VPS53: variants seen among roughly 807,000 people sequenced by gnomAD.
VPS53 encodes vacuolar protein sorting-associated protein 53 homolog.
A neutral mutation model predicts 107.0 loss-of-function variants in VPS53; 70 were observed. That is an observed-to-expected ratio of 0.65 (90% CI 0.54 to 0.80). The LOEUF (loss-of-function observed/expected upper bound fraction) is 0.80, where lower values mean the gene tolerates loss of function less well. VPS53 is among the 30% of genes least tolerant of loss of function. The probability of loss-of-function intolerance (pLI) is 0.00; values close to 1 mark genes in which losing one functional copy is unlikely to be tolerated. For missense variants in VPS53, 917 were observed against 1,049.4 expected (o/e 0.87, Z 1.74); for synonymous variants, 409 against 393.3 (o/e 1.04, Z -0.47).
At chr17:594,277 C>T (rs181070693) in intron 12 of VPS53, among the ~76,000 whole-genome samples, 1 of 152,204 alleles carries the variant, frequency 6.6e-6, no homozygotes, top group Non-Finnish European at 1.5e-5. Context: ...TGTAACTAAC[C>T]TGCACATTGT....
intron 13 of VPS53, among the ~76,000 whole-genome samples, chr17:566,010 C>T (rs985774091): frequency 4.6e-5 from 7 of 151,738 alleles, no homozygotes; most frequent in East Asian, 1.9e-4. Context: ...GAGACCATCC[C>T]GGCTAAAACG....
At chr17:673,082 A>C (rs1377260618) in intron 4 of VPS53, among the ~76,000 whole-genome samples, 2 of 149,770 alleles carry the variant, frequency 1.3e-5, no homozygotes, top group African/African-American at 4.9e-5. Context: ...ACTGCACTCC[A>C]GCCTGGGGCA....
chr17:688,246 G>C (rs1409328228), intron 4 of VPS53, among the ~76,000 whole-genome samples: 3 of 152,148 alleles, frequency 2.0e-5, no homozygotes, highest in South Asian at 4.1e-4. Flanking sequence ...CTATTCACGT[G>C]ATAGTAAGTT....
At chr17:643,695 T>C (rs1970553939) in intron 7 of VPS53, among the ~76,000 whole-genome samples, 1 of 151,208 alleles carries the variant, frequency 6.6e-6, no homozygotes, top group Non-Finnish European at 1.5e-5. Flanking sequence ...ACACTCATAC[T>C]TGGAAAGTGA....
At chr17:547,847 C>G (rs1911359785) in intron 17 of VPS53, among the ~76,000 whole-genome samples, 1 of 152,074 alleles carries the variant, frequency 6.6e-6, no homozygotes, top group African/African-American at 2.4e-5. Context: ...CCATGCTGGC[C>G]TCGAACTCCT....
At chr17:710,442 G>T in intron 2 of VPS53, 91 bp downstream of exon 2, 1 of 946,928 alleles carries the variant, frequency 1.1e-6, no homozygotes, top group Non-Finnish European at 1.7e-6. Flanking sequence ...TGTATCAAGG[G>T]CCCGTAGATG....
chr17:624,396 C>T (rs911068914), intron 10 of VPS53, among the ~76,000 whole-genome samples: 10 of 152,154 alleles, frequency 6.6e-5, no homozygotes, highest in Non-Finnish European at 1.3e-4. Context: ...GTGGCAAGCA[C>T]GCTTAGCTGG....
In VPS53 at chr17:519,388, GA is replaced by G. The variant is rs1908549351; in HGVS notation, c.2329-91del. ...GCAGTATCTGGATATGGGGTCAGCA[GA>G]GGCTCTGGAGACAGCATAGTTACTC... On this transcript the variant is annotated intron_variant, in intron 21 of 21. Coordinates refer to ENST00000437048, the MANE Select transcript of VPS53 (RefSeq NM_001128159.3). The surrounding 1 kb of genome is among the most constrained non-coding windows in gnomAD (Gnocchi z 5.0). 21 of 1,288,898 alleles carry G rather than the reference GA, an allele frequency of 1.6e-5. No individual in the cohort carries two copies. The highest frequency in any genetic ancestry group is 3.0e-5 in the African/African-American group (2 of 66,636). 79.8% of individuals were successfully genotyped at this position (1,288,898 alleles called of 1,614,324 possible).
At chr17:541,241 T>G (rs563647345) in intron 17 of VPS53, among the ~76,000 whole-genome samples, 1 of 152,340 alleles carries the variant, frequency 6.6e-6, no homozygotes, top group East Asian at 1.9e-4. Context: ...GCATCTGCTA[T>G]ATTTATAGGT....
intron 20 of VPS53, 126 bp downstream of exon 20, chr17:521,475 A>G (rs1908738595): frequency 7.9e-6 from 9 of 1,133,714 alleles, no homozygotes; most frequent in Non-Finnish European, 9.3e-6. Context: ...AATCCAGTCC[A>G]GCCCAAGAAT....
At chr17:535,891 C>G (rs1376968808) in intron 18 of VPS53, among the ~76,000 whole-genome samples, 1 of 152,088 alleles carries the variant, frequency 6.6e-6, no homozygotes, top group African/African-American at 2.4e-5. Flanking sequence ...TACAGGGAAA[C>G]TGGGAGAGAT....
intron 1 of VPS53, chr17:714,180 C>CT: frequency 6.0e-6 from 1 of 166,468 alleles, no homozygotes. Context: ...TCAACACTTT[C>CT]TCTCTTCTCT....
Position 510,865 on chromosome 17 carries a change from G to A in VPS53, c.*8263C>T, listed in dbSNP as rs1442192285. ...CGAGCTAGCCAGCTGCTGATCCAAA[G>A]CTCTGGATCCTTTAGGGCTGTGCAA... On this transcript the variant is annotated 3_prime_UTR_variant, in exon 22 of 22. Transcript: ENST00000437048. 1 of 152,672 alleles carries A rather than the reference G, an allele frequency of 6.5e-6. No homozygotes were observed. Among genetic ancestry groups the A allele is most frequent in the African/African-American group, 2.4e-5 (1 of 41,460 alleles). 9.5% of individuals were successfully genotyped at this position (152,672 alleles called of 1,614,324 possible).
At chr17:561,778 C>T (rs973145992) in intron 14 of VPS53, among the ~76,000 whole-genome samples, 2 of 152,162 alleles carry the variant, frequency 1.3e-5, no homozygotes, top group African/African-American at 4.8e-5. Context: ...TACAGGCATG[C>T]ACCACCACAC....
intron 4 of VPS53, among the ~76,000 whole-genome samples, chr17:672,059 G>T (rs1346066325): frequency 6.7e-6 from 1 of 149,666 alleles, no homozygotes; most frequent in East Asian, 2.0e-4. Flanking sequence ...GAGCAGCTAG[G>T]TTCCCCAGGA....
intron 5 of VPS53, among the ~76,000 whole-genome samples, 170 bp downstream of exon 5, chr17:661,639 C>G (rs960426900): frequency 6.6e-6 from 1 of 152,126 alleles, no homozygotes; most frequent in African/African-American, 2.4e-5. Flanking sequence ...TGACCAGCAG[C>G]TCCCCTTGAA....
intron 15 of VPS53, among the ~76,000 whole-genome samples, chr17:558,041 G>T (rs556812648): frequency 6.6e-6 from 1 of 152,000 alleles, no homozygotes; most frequent in South Asian, 2.1e-4. Flanking sequence ...TAAATTTTTT[G>T]TAAAGACCAG....
intron 7 of VPS53, among the ~76,000 whole-genome samples, chr17:649,588 T>C (rs1463323654): frequency 6.1e-5 from 8 of 131,922 alleles, no homozygotes; most frequent in African/African-American, 2.2e-4. Flanking sequence ...GAACAGGCAC[T>C]GAAGATCTTA....
chr17:551,774 C>T (rs757070124), intron 17 of VPS53, 98 bp downstream of exon 17: 70 of 1,086,904 alleles, frequency 6.4e-5, no homozygotes, highest in African/African-American at 6.1e-4. Context: ...TGATCCTTTA[C>T]GCTCCGATGA....
Sources: gnomAD v4.1 joint callset for allele counts (sites outside exome capture counted in the v4.1 genomes callset) on GRCh38, gnomAD v4.1.1 for gene constraint, Gnocchi (gnomAD v3.1) non-coding constraint, MANE v1.5 for transcripts, NCBI Gene and HGNC (gene_info 2026-07-23, HGNC 2026-07-21) for gene names.